The following PPP2R2A variants were observed in gnomAD, a reference collection of about 807,000 sequenced individuals.
The protein encoded by PPP2R2A is protein phosphatase 2 regulatory subunit Balpha.
PPP2R2A carries 9 observed loss-of-function variants against 53.2 expected under a neutral mutation model. That is an observed-to-expected ratio of 0.17 (90% CI 0.10 to 0.30). PPP2R2A has a LOEUF of 0.30. PPP2R2A is among the 10% of genes least tolerant of loss of function. The probability of loss-of-function intolerance (pLI) is 1.00; values close to 1 mark genes in which losing one functional copy is unlikely to be tolerated. For missense variants in PPP2R2A, 235 were observed against 534.6 expected (o/e 0.44, Z 5.53); for synonymous variants, 169 against 174.2 (o/e 0.97, Z 0.23).
intron 2 of PPP2R2A, among the ~76,000 whole-genome samples, chr8:26,332,457 C>T (rs908625837): frequency 6.6e-6 from 1 of 151,064 alleles, no homozygotes; most frequent in Non-Finnish European, 1.5e-5. Context: ...TGTTTCTTCC[C>T]CTCCTTTATT....
intron 2 of PPP2R2A, among the ~76,000 whole-genome samples, chr8:26,294,534 G>A (rs2046226): frequency 0.59 from 89,641 of 152,044 alleles, 26,699 homozygotes; most frequent in South Asian, 0.63. Flanking sequence ...GAGAAATGTT[G>A]AAGTTTGAGT....
At position 26,328,259 on chromosome 8, in the gene PPP2R2A, A is replaced by G. The variant is rs548300754; in HGVS notation, c.83-10631A>G. Among the ~76,000 whole-genome samples, 218 of 152,348 alleles carry G rather than the reference A, an allele frequency of 1.4e-3. 1 individual carries two copies. Among genetic ancestry groups the G allele is most frequent in the Non-Finnish European group, 2.6e-3 (175 of 68,028 alleles). The stretch of plus-strand genomic sequence containing the variant: ...TGATGTATTTAGTCCTTTTGTTCTC[A>G]ATATATTTATACTTCTTTATAGAAC... On this transcript the variant is annotated intron_variant, in intron 2 of 9. Transcript: ENST00000380737.
chr8:26,291,793 C>CT lies in PPP2R2A; in HGVS notation c.-27_-26insT. ...CAGGAAGCGGAGACCCCGAGGAACC[C>CT]AGCAGGGTCACCATTTGCAGCGCAA... is the stretch of plus-strand genomic sequence containing the variant. On this transcript the variant is annotated 5_prime_UTR_variant, in exon 1 of 10. Coordinates refer to ENST00000380737, the MANE Select transcript of PPP2R2A (RefSeq NM_002717.4). 6.2e-7 allele frequency: 1 copy of CT among 1,602,114 alleles called. No individual in the cohort carries two copies. Among genetic ancestry groups the CT allele is most frequent in the Non-Finnish European group, 8.5e-7 (1 of 1,175,116 alleles).
At chr8:26,319,462 T>C (rs1563294583) in intron 2 of PPP2R2A, among the ~76,000 whole-genome samples, 1 of 150,544 alleles carries the variant, frequency 6.6e-6, no homozygotes, top group Non-Finnish European at 1.5e-5. Flanking sequence ...ATTAACACTT[T>C]CTACTTTTTT....
chr8:26,328,176 G>A (rs1020116522), intron 2 of PPP2R2A, among the ~76,000 whole-genome samples: 3 of 152,110 alleles, frequency 2.0e-5, no homozygotes, highest in Non-Finnish European at 2.9e-5. Flanking sequence ...ATTATTCCAG[G>A]ATAGACATTT....
intron 2 of PPP2R2A, among the ~76,000 whole-genome samples, chr8:26,316,350 C>CA (rs1056931186): frequency 1.1e-4 from 16 of 151,766 alleles, no homozygotes; most frequent in East Asian, 1.9e-4. Flanking sequence ...CAATTAATAG[C>CA]AAAAAAATGA....
intron 9 of PPP2R2A, among the ~76,000 whole-genome samples, chr8:26,368,842 C>T (rs1365524171): frequency 6.6e-6 from 1 of 152,088 alleles, no homozygotes; most frequent in African/African-American, 2.4e-5. Context: ...CACGGTGGCT[C>T]ACGCCTGTAA....
chr8:26,304,442 TG>T (rs1801923410), intron 2 of PPP2R2A, among the ~76,000 whole-genome samples: 1 of 152,178 alleles, frequency 6.6e-6, no homozygotes, highest in Non-Finnish European at 1.5e-5. Flanking sequence ...TAAAAGGGAT[TG>T]GGGGCAAAAT....
At chr8:26,326,012 T>A (rs982769599) in intron 2 of PPP2R2A, among the ~76,000 whole-genome samples, 5 of 152,146 alleles carry the variant, frequency 3.3e-5, no homozygotes, top group Admixed American at 2.6e-4. Context: ...ATATTTTGTA[T>A]TTTTTGTAGA....
intron 8 of PPP2R2A, chr8:26,365,625 G>A (rs1046373947): frequency 5.9e-5 from 9 of 151,992 alleles, no homozygotes; most frequent in Non-Finnish European, 1.3e-4. Flanking sequence ...TAATATTAAT[G>A]TTGAAATATG....
chr8:26,366,059 G>C lies in PPP2R2A; in HGVS notation c.973-256G>C, dbSNP rs150275408. On this transcript the variant is annotated intron_variant, in intron 8 of 9. Transcript: ENST00000380737. ...TTTTTGGCCTGAATGTTTTATTCAG[G>C]CTTATAAAGGCTATGTGTGCCATGC... is the stretch of plus-strand genomic sequence containing the variant. The C allele has an allele frequency of 2.0e-3, 706 of 358,690 alleles. 5 individuals carry two copies. The highest frequency in any genetic ancestry group is 0.014 in the African/African-American group (669 of 46,776). The allele number at this position is 358,690 out of a possible 1,614,324, so 22.2% of individuals were successfully genotyped here.
At chr8:26,315,907 C>T (rs1414040834) in intron 2 of PPP2R2A, among the ~76,000 whole-genome samples, 2 of 152,120 alleles carry the variant, frequency 1.3e-5, no homozygotes, top group South Asian at 2.1e-4. Context: ...TCATTCATGT[C>T]TAGAACACTT....
In PPP2R2A at chr8:26,360,391, C is replaced by T. The variant is rs1299639484; in HGVS notation, c.459+110C>T. ...TAATTACAGTCTATCTCCCCTTTCC[C>T]AGTAATTCTGTAATCAGGTAGGACA... On this transcript the variant is annotated intron_variant, in intron 5 of 9. Transcript: ENST00000380737. This position sits in a 1 kb window ranked among gnomAD's most constrained non-coding sequence, Gnocchi z 4.5. 1 of 596,008 alleles carries T rather than the reference C, an allele frequency of 1.7e-6. No individual in the cohort carries two copies. Among genetic ancestry groups the T allele is most frequent in the East Asian group, 2.8e-5 (1 of 36,084 alleles). 36.9% of individuals were successfully genotyped at this position (596,008 alleles called of 1,614,324 possible).
At chr8:26,324,128 A>G (rs1802974479) in intron 2 of PPP2R2A, among the ~76,000 whole-genome samples, 1 of 152,158 alleles carries the variant, frequency 6.6e-6, no homozygotes, top group Non-Finnish European at 1.5e-5. Flanking sequence ...TAGGCCTGGC[A>G]TTCTGGAATG....
chr8:26,370,753 G>A lies in PPP2R2A; in HGVS notation c.*340G>A. On this transcript the variant is annotated 3_prime_UTR_variant, in exon 10 of 10. Transcript: ENST00000380737. This position sits in a 1 kb window ranked among gnomAD's most constrained non-coding sequence, Gnocchi z 6.1. ...TGTGATGACGTCAAACACAGTGAAA[G>A]CCTTCAGTCATGCTATGGGATTTAA... 3.4e-6 allele frequency: 1 copy of A among 297,696 alleles called. No individual in the cohort carries two copies. The highest frequency in any genetic ancestry group is 6.5e-6 in the Non-Finnish European group (1 of 154,560). 18.4% of individuals were successfully genotyped at this position (297,696 alleles called of 1,614,324 possible).
At chr8:26,309,419 G>A (rs61711511) in intron 2 of PPP2R2A, among the ~76,000 whole-genome samples, 35,181 of 152,056 alleles carry the variant, frequency 0.23, 5,055 homozygotes, top group Non-Finnish European at 0.31. Context: ...CTAGAGTACA[G>A]GCAGAGTAGA....
intron 2 of PPP2R2A, among the ~76,000 whole-genome samples, chr8:26,318,646 C>T (rs1157209364): frequency 6.6e-6 from 1 of 152,162 alleles, no homozygotes; most frequent in East Asian, 1.9e-4. Context: ...TAAATTGATA[C>T]CGCAGGGTTA....
intron 3 of PPP2R2A, among the ~76,000 whole-genome samples, chr8:26,347,714 T>C (rs1056764161): frequency 6.6e-6 from 1 of 152,156 alleles, no homozygotes; most frequent in Non-Finnish European, 1.5e-5. Context: ...TCTCTCCCAC[T>C]ATATTATTGT....
At chr8:26,340,473 A>C (rs1803885503) in intron 3 of PPP2R2A, among the ~76,000 whole-genome samples, 1 of 152,080 alleles carries the variant, frequency 6.6e-6, no homozygotes, top group South Asian at 2.1e-4. Flanking sequence ...TCTACACTTT[A>C]CTTTTATTTT....
Sources: allele counts gnomAD v4.1 joint callset (sites outside exome capture counted in the v4.1 genomes callset), GRCh38; gene constraint gnomAD v4.1.1; non-coding constraint Gnocchi (gnomAD v3.1); transcripts MANE v1.5; gene names NCBI Gene and HGNC (gene_info 2026-07-23, HGNC 2026-07-21).